MRE11: variants seen among roughly 807,000 people sequenced by gnomAD.
MRE11 encodes the protein double-strand break repair protein MRE11.
Under a neutral mutation model 91.7 loss-of-function variants are expected in MRE11, and 62 were observed. That is an observed-to-expected ratio of 0.68 (90% CI 0.55 to 0.84). MRE11 has a LOEUF of 0.84. MRE11 is among the 40% of genes least tolerant of loss of function. The pLI is 0.00. For synonymous variants in MRE11, 273 were observed against 271.4 expected (o/e 1.01, Z -0.06); for missense variants, 796 against 852.9 (o/e 0.93, Z 0.83).
At chr11:94,442,933 T>C (rs1189831107) in intron 16 of MRE11, among the ~76,000 whole-genome samples, 1 of 152,084 alleles carries the variant, frequency 6.6e-6, no homozygotes, top group African/African-American at 2.4e-5. Flanking sequence ...CAGATACCAC[T>C]CCCTAAATGG....
chr11:94,483,601 C>T (rs144340062), intron 4 of MRE11, among the ~76,000 whole-genome samples: 64 of 152,280 alleles, frequency 4.2e-4, no homozygotes, highest in Non-Finnish European at 7.1e-4. Flanking sequence ...ATTGTGAAGC[C>T]GCCCCAGCCA....
At chr11:94,450,289 G>T (rs1246150424) in intron 14 of MRE11, among the ~76,000 whole-genome samples, 2 of 152,100 alleles carry the variant, frequency 1.3e-5, no homozygotes, top group Non-Finnish European at 2.9e-5. Context: ...TGCTAATTCT[G>T]TGCTGGAAGT....
rs786201764 is a variant in MRE11, at chr11:94,490,941, T to C, written c.45A>G (p.Ile15Met). Reference sequence around the variant, plus strand: ...CAAGATGAATATCTGTTGCAACTAATATTTTAAATGTGTTTTCATCATCAC... The same window carrying C: ...CAAGATGAATATCTGTTGCAACTAACATTTTAAATGTGTTTTCATCATCAC... ...DALDDENTFK[I>M]LVATDIHLGF... The change falls in exon 3 of 20, where the codon ATA becomes ATG. Residue 15 changes from isoleucine to methionine, a missense_variant. Ile to Met is a conservative substitution (Grantham distance 10). Transcript: ENST00000323929. 4.0e-6 allele frequency: 6 copies of C among 1,503,526 alleles called. No individual in the cohort carries two copies. The highest frequency in any genetic ancestry group is 4.6e-6 in the Non-Finnish European group (5 of 1,080,666). The allele number at this position is 1,503,526 out of a possible 1,614,324, so 93.1% of individuals were successfully genotyped here. A position where few individuals can be genotyped will look rare whatever the true frequency, so the allele number is the denominator to read the frequency against.
intron 7 of MRE11, 144 bp from the exon 8 acceptor site, chr11:94,471,903 T>C (rs1946726585): frequency 1.4e-6 from 1 of 698,366 alleles, no homozygotes; most frequent in Non-Finnish European, 2.4e-6. Context: ...GGATTGGGAA[T>C]GTAAAGATCA....
At chr11:94,460,463 G>A (rs190623384) in intron 12 of MRE11, among the ~76,000 whole-genome samples, 1 of 152,284 alleles carries the variant, frequency 6.6e-6, no homozygotes, top group East Asian at 1.9e-4. Context: ...TCTGGATTGA[G>A]ATCTTTGTAA....
rs1689706955 is a variant in MRE11, at chr11:94,470,613, C to T, written c.875G>A (p.Arg292Lys). The T allele has an allele frequency of 1.2e-6, 2 of 1,612,968 alleles. No homozygotes were observed. Among genetic ancestry groups the T allele is most frequent in the African/African-American group, 2.7e-5 (2 of 74,838 alleles). The change falls in exon 9 of 20, where the codon AGG becomes AAG. Residue 292 changes from arginine (R) to lysine (K), a missense_variant. By Grantham distance (26) the Arg-to-Lys change is conservative. Coordinates refer to ENST00000323929, the MANE Select transcript of MRE11 (RefSeq NM_005591.4). ...KHVGLLRIKG[R>K]KMNMHKIPLH... is the part of the protein sequence containing the mutation. ...AGGAATTTTATGCATATTCATCTTC[C>T]TCCCTTTAATACGCAGCAAACCAAC...
At chr11:94,453,023 TTC>T (rs1446410697) in intron 14 of MRE11, among the ~76,000 whole-genome samples, 1 of 152,220 alleles carries the variant, frequency 6.6e-6, no homozygotes, top group Non-Finnish European at 1.5e-5. Context: ...CTATTCTACC[TTC>T]TGTTTCTATG....
the MRE11 span, among the ~76,000 whole-genome samples, chr11:94,506,101 C>T: frequency 6.6e-6 from 1 of 151,994 alleles, no homozygotes; most frequent in Admixed American, 6.6e-5. Flanking sequence ...CACCATTAAG[C>T]GACACATGAC....
chr11:94,508,778 T>C, the MRE11 span, among the ~76,000 whole-genome samples: 1 of 151,010 alleles, frequency 6.6e-6, no homozygotes, highest in Non-Finnish European at 1.5e-5. Context: ...TTTTTTTTTT[T>C]CGAGACAGAG....
chr11:94,433,764 T>C (rs1447595733), intron 18 of MRE11, among the ~76,000 whole-genome samples: 4 of 152,220 alleles, frequency 2.6e-5, no homozygotes, highest in Admixed American at 6.5e-5. Flanking sequence ...TTAAACCTCT[T>C]TGTTTTGTAA....
intron 9 of MRE11, among the ~76,000 whole-genome samples, chr11:94,468,393 C>T (rs1440056553): frequency 6.6e-6 from 1 of 152,148 alleles, no homozygotes; most frequent in Non-Finnish European, 1.5e-5. Flanking sequence ...TGAAAGAGTT[C>T]TGAAGACAAA....
intron 16 of MRE11, among the ~76,000 whole-genome samples, chr11:94,444,638 C>A (rs1945875913): frequency 6.6e-6 from 1 of 152,134 alleles, no homozygotes; most frequent in African/African-American, 2.4e-5. Flanking sequence ...CTCTTACTGA[C>A]CTAAGTCTTT....
intron 19 of MRE11, among the ~76,000 whole-genome samples, chr11:94,424,575 G>T (rs550748026): frequency 3.9e-5 from 6 of 152,270 alleles, no homozygotes; most frequent in African/African-American, 1.2e-4. Flanking sequence ...CAAGATTCAG[G>T]AGAAAGTTAA....
At chr11:94,500,869 G>T in the MRE11 span, among the ~76,000 whole-genome samples, 1 of 152,110 alleles carries the variant, frequency 6.6e-6, no homozygotes, top group African/African-American at 2.4e-5. Flanking sequence ...ATCAGAAGAA[G>T]CCCAGAGACT....
intron 16 of MRE11, 106 bp downstream of exon 16, chr11:94,445,704 T>G: frequency 1.2e-6 from 1 of 868,264 alleles, no homozygotes; most frequent in East Asian, 2.4e-5. Flanking sequence ...CTAATTGCCC[T>G]TATAACTTCC....
At position 94,478,747 on chromosome 11, in the gene MRE11, G is replaced by C. The variant is rs768251391; in HGVS notation, c.532C>G (p.Leu178Val). Residue 178 changes from leucine to valine, a missense_variant, in exon 6 of 20, where the codon CTA becomes GTA. Physicochemically the swap from Leu to Val is conservative, Grantham distance 32 (BLOSUM62 1). Coordinates refer to ENST00000323929, the MANE Select transcript of MRE11 (RefSeq NM_005591.4). ...LLQKGSTKIALYGLGSIPDER... is the reference protein window; with the variant it reads ...LLQKGSTKIAVYGLGSIPDER... ...AAAACTGTCTTACCTAAACCATATA[G>C]CGCAATCTTTGTGCTTCCTTTTTGA... 6.2e-7 allele frequency: 1 copy of C among 1,612,426 alleles called. No homozygotes were observed.
upstream of MRE11, chr11:94,498,666 G>C: frequency 1.3e-6 from 1 of 743,704 alleles, no homozygotes; most frequent in East Asian, 2.7e-5. Context: ...TCTTCCAAGT[G>C]AATTGCCTGA....
the MRE11 span, among the ~76,000 whole-genome samples, chr11:94,503,488 G>A: frequency 1.3e-5 from 2 of 152,114 alleles, no homozygotes; most frequent in Non-Finnish European, 2.9e-5. Flanking sequence ...AAGAGATCAA[G>A]ACCATCCTGG....
Position 94,440,645 on chromosome 11 carries a change from C to T in MRE11, c.1868-3410G>A, listed in dbSNP as rs528627715. 5.3e-5 allele frequency among the ~76,000 whole-genome samples: 8 copies of T among 152,262 alleles called. 1 individual carries two copies. The East Asian group carries it at 1.4e-3, about 26-fold the overall frequency. On this transcript the variant is annotated intron_variant, in intron 16 of 19. Transcript: ENST00000323929. ...GCCCACGGCTGCCCAAAGTGAAAAC[C>T]CCGATGCATTTCCCTTCCTAAGGTG...
Sources: gnomAD v4.1 joint callset for allele counts (sites outside exome capture counted in the v4.1 genomes callset) on GRCh38, gnomAD v4.1.1 for gene constraint, MANE v1.5 for transcripts, NCBI Gene and HGNC (gene_info 2026-07-23, HGNC 2026-07-21) for gene names.